Variants in VPS13B observed in about 807,000 individuals in gnomAD.
The protein encoded by VPS13B is intermembrane lipid transfer protein VPS13B.
VPS13B carries 285 observed loss-of-function variants against 426.4 expected under a neutral mutation model. That is an observed-to-expected ratio of 0.67 (90% confidence interval 0.61 to 0.74). VPS13B has a LOEUF of 0.74. Ranked by LOEUF, VPS13B falls within the 30% of genes least tolerant of loss-of-function variation. The probability of loss-of-function intolerance (pLI) is 0.00; values close to 1 mark genes in which losing one functional copy is unlikely to be tolerated. For synonymous variants in VPS13B, 1,676 were observed against 1,676.4 expected (o/e 1.00, Z 0.01); for missense variants, 4,537 against 4,782.6 (o/e 0.95, Z 1.51).
intron 17 of VPS13B, among the ~76,000 whole-genome samples, chr8:99,255,581 A>T (rs1817704037): frequency 6.6e-6 from 1 of 152,138 alleles, no homozygotes; most frequent in African/African-American, 2.4e-5. Context: ...GGGATGTACA[A>T]ATCCAGGTTT....
At chr8:99,208,534 C>T (rs1814868948) in intron 17 of VPS13B, among the ~76,000 whole-genome samples, 1 of 151,892 alleles carries the variant, frequency 6.6e-6, no homozygotes, top group African/African-American at 2.4e-5. Flanking sequence ...TGATAAACAT[C>T]TTCATATTAT....
intron 3 of VPS13B, among the ~76,000 whole-genome samples, chr8:99,067,040 T>G (rs540303418): frequency 2.0e-5 from 3 of 152,280 alleles, no homozygotes; most frequent in African/African-American, 4.8e-5. Flanking sequence ...TTTACAGTGT[T>G]GGTGGGAGTG....
intron 37 of VPS13B, 119 bp from the exon 38 acceptor site, chr8:99,720,226 A>G (rs1044743743): frequency 2.4e-5 from 20 of 825,704 alleles, no homozygotes; most frequent in Non-Finnish European, 3.5e-5. Flanking sequence ...ATTATAGTTT[A>G]TAAGTAATTA....
chr8:99,837,996 G>A (rs1648936499), intron 54 of VPS13B, among the ~76,000 whole-genome samples: 1 of 152,176 alleles, frequency 6.6e-6, no homozygotes, highest in Admixed American at 6.5e-5. Flanking sequence ...AAATAAGATA[G>A]TCTCGTGTTG....
chr8:99,369,166 A>C (rs1270042992), intron 19 of VPS13B, among the ~76,000 whole-genome samples: 5 of 152,062 alleles, frequency 3.3e-5, no homozygotes, highest in African/African-American at 1.2e-4. Flanking sequence ...CCTCTTTCCC[A>C]CTATCACCAC....
chr8:99,784,725 T>C (rs1812177799), intron 43 of VPS13B, among the ~76,000 whole-genome samples: 2 of 152,086 alleles, frequency 1.3e-5, no homozygotes, highest in Non-Finnish European at 2.9e-5. Flanking sequence ...AGAGGCTGAC[T>C]CGAGAGCCAG....
rs192324552 is a variant in VPS13B at position 99,118,850 on chromosome 8, A to C, written c.938-2327A>C. 3.3e-5 allele frequency among the ~76,000 whole-genome samples: 5 copies of C among 152,300 alleles called. No homozygotes were observed. In the East Asian group the frequency reaches 9.6e-4, roughly 29 times the overall value. ...TTTGGCTATTATAAATAAAGCTTTC[A>C]TAGATATTTTTGTACAAATTTCACG... On this transcript the variant is annotated intron_variant, in intron 7 of 61. Coordinates refer to ENST00000357162, the MANE Select transcript of VPS13B (RefSeq NM_152564.5).
rs1411916211 is a variant in VPS13B, at chr8:99,431,664, G to A, written c.3210G>A (p.Gln1070=). ...ATGCAGTGAAGCATCTCACACTACA[G>A]GTAAAATAAAAGTTAGAAATATTAT... ...VWNAVKHLTL[Q]LEVQSCCVFI... The change falls in exon 22 of 62, where the codon CAG becomes CAA. Residue 1070 remains glutamine (Q), a splice_region_variant and synonymous_variant. Coordinates refer to ENST00000357162, the MANE Select transcript of VPS13B (RefSeq NM_152564.5). 6.2e-7 allele frequency: 1 copy of A among 1,612,268 alleles called. No individual in the cohort carries two copies. The highest frequency in any genetic ancestry group is 1.1e-5 in the South Asian group (1 of 90,922).
chr8:99,130,678 C>T (rs1407914100), intron 8 of VPS13B, among the ~76,000 whole-genome samples: 3 of 152,130 alleles, frequency 2.0e-5, no homozygotes, highest in African/African-American at 4.8e-5. Flanking sequence ...GCGTGAGCCA[C>T]CGCATGAGTC....
In VPS13B at chr8:99,242,095, C is replaced by T. The variant is rs187730393; in HGVS notation, c.2516-32103C>T. 1.8e-4 allele frequency among the ~76,000 whole-genome samples: 28 copies of T among 152,278 alleles called. No individual in the cohort carries two copies. In the East Asian group the frequency reaches 4.4e-3, roughly 24 times the overall value. On this transcript the variant is annotated intron_variant, in intron 17 of 61. Coordinates refer to ENST00000357162, the MANE Select transcript of VPS13B (RefSeq NM_152564.5). ...TCCCGGGTTCACGCTATTCGCCTGC[C>T]TCAGCCTCCCAAGTAGCTGAGATTA... is the stretch of plus-strand genomic sequence containing the variant.
chr8:99,203,639 T>G (rs1049035510), intron 17 of VPS13B, among the ~76,000 whole-genome samples: 10 of 152,216 alleles, frequency 6.6e-5, no homozygotes, highest in Non-Finnish European at 5.9e-5. Flanking sequence ...AAAATCTCCT[T>G]AAGCTGATAA....
chr8:99,633,695 A>G (rs558784124), intron 33 of VPS13B, among the ~76,000 whole-genome samples: 3 of 152,148 alleles, frequency 2.0e-5, no homozygotes, highest in East Asian at 1.9e-4. Flanking sequence ...TACCCTGTAC[A>G]CACAGTAGCC....
At chr8:99,730,355 T>C (rs900155645) in intron 39 of VPS13B, among the ~76,000 whole-genome samples, 1 of 152,188 alleles carries the variant, frequency 6.6e-6, no homozygotes, top group Non-Finnish European at 1.5e-5. Flanking sequence ...GTGTATCCAG[T>C]GGACACAATA....
intron 3 of VPS13B, among the ~76,000 whole-genome samples, chr8:99,047,673 C>T (rs1843303710): frequency 6.6e-6 from 1 of 151,644 alleles, no homozygotes; most frequent in East Asian, 1.9e-4. Context: ...GGGCTATGAA[C>T]TTTCTTTCTT....
At chr8:99,856,703 TG>T (rs1209872100) in intron 56 of VPS13B, among the ~76,000 whole-genome samples, 2 of 152,042 alleles carry the variant, frequency 1.3e-5, no homozygotes, top group African/African-American at 4.8e-5. Context: ...TAGCCAGGTG[TG>T]GGGGCATGCA....
intron 31 of VPS13B, among the ~76,000 whole-genome samples, chr8:99,573,854 G>C (rs535737956): frequency 6.6e-6 from 1 of 152,174 alleles, no homozygotes. Flanking sequence ...TTGGTAGCTT[G>C]ATGGGGATGG....
chr8:99,143,215 A>C (rs760511610), intron 13 of VPS13B, 50 bp downstream of exon 13: 1 of 1,609,022 alleles, frequency 6.2e-7, no homozygotes, highest in Non-Finnish European at 8.5e-7. Context: ...TTTGAGAATA[A>C]TTATATAATC....
intron 29 of VPS13B, among the ~76,000 whole-genome samples, chr8:99,513,347 G>A (rs1821894695): frequency 6.6e-6 from 1 of 151,892 alleles, no homozygotes; most frequent in Non-Finnish European, 1.5e-5. Context: ...CAAACAATTA[G>A]GAAGGCCAAA....
At chr8:99,845,102 G>A (rs921912476) in intron 54 of VPS13B, among the ~76,000 whole-genome samples, 1 of 152,082 alleles carries the variant, frequency 6.6e-6, no homozygotes, top group Admixed American at 6.5e-5. Context: ...TTTCAATATC[G>A]ATTTCTACTG....
Sources: gnomAD v4.1 joint callset for allele counts (sites outside exome capture counted in the v4.1 genomes callset) on GRCh38, gnomAD v4.1.1 for gene constraint, MANE v1.5 for transcripts, NCBI Gene and HGNC (gene_info 2026-07-23, HGNC 2026-07-21) for gene names.